RSF1: variants seen among roughly 807,000 people sequenced by gnomAD.
The protein encoded by RSF1 is remodeling and spacing factor 1.
Under a neutral mutation model 145.2 loss-of-function variants are expected in RSF1, and 13 were observed. The ratio of observed to expected loss-of-function variants is 0.09; its 90% CI spans 0.06 to 0.14. The LOEUF is 0.14. Among genes scored for constraint, RSF1 ranks in the 10% least tolerant of loss-of-function variants. The pLI, the probability that RSF1 is intolerant of heterozygous loss-of-function variation, is 1.00. For synonymous variants in RSF1, 577 were observed against 592.6 expected (o/e 0.97, Z 0.38); for missense variants, 1,517 against 1,718.2 (o/e 0.88, Z 2.07).
At chr11:77,695,982 C>G (rs1960268532) in intron 7 of RSF1, among the ~76,000 whole-genome samples, 1 of 152,056 alleles carries the variant, frequency 6.6e-6, no homozygotes, top group Non-Finnish European at 1.5e-5. Context: ...TAACCTGTAC[C>G]ATGGGGGTGG....
At chr11:77,823,293 G>T (rs1445674806), upstream of RSF1, among the ~76,000 whole-genome samples, 2 of 148,166 alleles carry the variant, frequency 1.3e-5, no homozygotes, top group Non-Finnish European at 3.0e-5. Flanking sequence ...CACTGCCAAA[G>T]AAGTTTTAAT....
At chr11:77,800,042 G>A (rs927144155) in intron 1 of RSF1, among the ~76,000 whole-genome samples, 5 of 152,134 alleles carry the variant, frequency 3.3e-5, no homozygotes, top group African/African-American at 1.2e-4. Context: ...CTACGTGGGA[G>A]GCTAATGTGT....
chr11:77,774,572 A>AT (rs1486558983), intron 1 of RSF1, among the ~76,000 whole-genome samples: 15 of 116,922 alleles, frequency 1.3e-4, no homozygotes, highest in Admixed American at 2.8e-4. Flanking sequence ...CTCTGTCTCA[A>AT]AAAATAAATA....
chr11:77,718,677 T>C (rs1444737563), intron 5 of RSF1, among the ~76,000 whole-genome samples: 4 of 152,112 alleles, frequency 2.6e-5, no homozygotes, highest in African/African-American at 9.7e-5. Flanking sequence ...AGAAAACAGA[T>C]AGCTTTTTCT....
intron 5 of RSF1, among the ~76,000 whole-genome samples, chr11:77,712,296 C>T (rs1317922366): frequency 1.3e-5 from 2 of 152,198 alleles, no homozygotes; most frequent in Non-Finnish European, 2.9e-5. Context: ...TCTTGCCTCC[C>T]GCCAAGACAT....
Position 77,701,488 on chromosome 11 carries a change from T to C in RSF1, c.1741A>G (p.Ile581Val), listed in dbSNP as rs780119917. The change falls in exon 6 of 16, where the codon ATC becomes GTC. Residue 581 changes from isoleucine to valine, a missense_variant. Physicochemically the swap from Ile to Val is conservative, Grantham distance 29. Transcript: ENST00000308488. ...TCTAACTTTTCAAGACATTCTAGGA[T>C]TGGTGGGCGCTTATCCTTCTTAGTT... ...PKTKKDKRPP[I>V]LECLEKLEKS... 3.1e-6 allele frequency: 5 copies of C among 1,614,038 alleles called. No homozygotes were observed. The African/African-American group carries it at 4.0e-5, about 13-fold the overall frequency.
upstream of RSF1, among the ~76,000 whole-genome samples, chr11:77,825,629 C>A (rs1293939500): frequency 6.6e-6 from 1 of 151,588 alleles, no homozygotes. Context: ...TAACTGAATT[C>A]TGTGTTACAA....
intron 1 of RSF1, among the ~76,000 whole-genome samples, chr11:77,775,247 T>C (rs1174978062): frequency 7.0e-6 from 1 of 142,066 alleles, no homozygotes; most frequent in African/African-American, 2.6e-5. Context: ...AGACTCCATC[T>C]CAAAAAAAAA....
chr11:77,825,983 T>C, the RSF1 span, among the ~76,000 whole-genome samples: 2 of 152,068 alleles, frequency 1.3e-5, no homozygotes, highest in Non-Finnish European at 2.9e-5. Flanking sequence ...TGAGCCACCG[T>C]CTTACTACCC....
At chr11:77,718,525 A>T (rs1350759078) in intron 5 of RSF1, 1 of 152,212 alleles carries the variant, frequency 6.6e-6, no homozygotes, top group Non-Finnish European at 1.5e-5. Flanking sequence ...TCCCCCACAA[A>T]TTCATATATT....
At chr11:77,862,945 G>C in the RSF1 span, among the ~76,000 whole-genome samples, 1 of 152,096 alleles carries the variant, frequency 6.6e-6, no homozygotes. Flanking sequence ...TGGGGGGAAC[G>C]TTTCCCATTA....
At chr11:77,854,185 G>A in the RSF1 span, among the ~76,000 whole-genome samples, 2 of 151,748 alleles carry the variant, frequency 1.3e-5, no homozygotes, top group African/African-American at 4.8e-5. Flanking sequence ...GTAGAGACGG[G>A]GTTTCATCGT....
chr11:77,760,121 G>A (rs1316561538), intron 2 of RSF1, among the ~76,000 whole-genome samples: 2 of 152,098 alleles, frequency 1.3e-5, no homozygotes, highest in African/African-American at 4.8e-5. Flanking sequence ...AGAAAAACTT[G>A]TACACAAATG....
At chr11:77,868,985 G>A in the RSF1 span, 5 of 300,556 alleles carry the variant, frequency 1.7e-5, no homozygotes, top group Middle Eastern at 9.1e-4. Context: ...CCAACAGCAC[G>A]TTGGGTAATA....
the RSF1 span, among the ~76,000 whole-genome samples, chr11:77,865,480 C>T: frequency 1.3e-5 from 2 of 152,206 alleles, no homozygotes; most frequent in Non-Finnish European, 2.9e-5. Context: ...AAGAAAAGCT[C>T]ATGCCAAACC....
chr11:77,715,070 T>C (rs1300717515), intron 5 of RSF1, among the ~76,000 whole-genome samples: 2 of 152,236 alleles, frequency 1.3e-5, no homozygotes, highest in South Asian at 2.1e-4. Context: ...GTTACAGTGA[T>C]TTATGATCAT....
chr11:77,725,797 A>G, intron 4 of RSF1, 98 bp from the exon 5 acceptor site: 5 of 947,500 alleles, frequency 5.3e-6, no homozygotes, highest in Non-Finnish European at 7.2e-6. Flanking sequence ...AAAAAGAAAA[A>G]TACATTAAGA....
chr11:77,745,826 T>C (rs1267332334), intron 3 of RSF1, among the ~76,000 whole-genome samples: 3 of 151,956 alleles, frequency 2.0e-5, no homozygotes, highest in East Asian at 3.9e-4. Flanking sequence ...CTTCCTATTA[T>C]AGCCCTTATG....
At chr11:77,793,228 C>T (rs892936822) in intron 1 of RSF1, among the ~76,000 whole-genome samples, 1 of 152,104 alleles carries the variant, frequency 6.6e-6, no homozygotes, top group Non-Finnish European at 1.5e-5. Flanking sequence ...GCCTGTAATC[C>T]CAGCACTTTA....
Sources: allele counts gnomAD v4.1 joint callset (sites outside exome capture counted in the v4.1 genomes callset), GRCh38; gene constraint gnomAD v4.1.1; transcripts MANE v1.5; gene names NCBI Gene and HGNC (gene_info 2026-07-23, HGNC 2026-07-21).